Variants in TSNARE1 observed in about 807,000 individuals in gnomAD.
TSNARE1 encodes the protein t-SNARE domain containing 1, also known as t-SNARE domain-containing protein 1.
A neutral mutation model predicts 62.0 loss-of-function variants in TSNARE1; 49 were observed. The ratio of observed to expected loss-of-function variants is 0.79; its 90% CI spans 0.63 to 1.00. TSNARE1 has a LOEUF of 1.00. TSNARE1 is among the 50% of genes least tolerant of loss of function. The pLI is 0.00. For synonymous variants in TSNARE1, 328 were observed against 294.4 expected (o/e 1.11, Z -1.17); for missense variants, 755 against 700.1 (o/e 1.08, Z -0.88).
At chr8:142,229,291 T>C (rs946431226) in intron 13 of TSNARE1, among the ~76,000 whole-genome samples, 182 bp downstream of exon 13, 2 of 150,594 alleles carry the variant, frequency 1.3e-5, no homozygotes, top group African/African-American at 4.9e-5. Flanking sequence ...GGCAGATGGA[T>C]AGATGGATGG....
rs1337562068 is a variant in TSNARE1, at chr8:142,344,155, G to A, written c.556C>T (p.His186Tyr). 1.9e-6 allele frequency: 3 copies of A among 1,613,228 alleles called. No homozygotes were observed. The highest frequency in any genetic ancestry group is 1.7e-6 in the Non-Finnish European group (2 of 1,179,846). ...YCRRDVVDLK[H>Y]KWRDLRAVVR... ...ACGGCTCGTAGGTCCCGCCACTTGT[G>A]CTTCAGGTCCACAACGTCGCGGCGA... Residue 186 changes from histidine (H) to tyrosine (Y), a missense_variant, in exon 4 of 14, where the codon CAC becomes TAC. Coordinates refer to ENST00000524325, the MANE Select transcript of TSNARE1 (RefSeq NM_145003.5).
intron 12 of TSNARE1, among the ~76,000 whole-genome samples, chr8:142,272,425 T>C (rs113422790): frequency 0.086 from 3,746 of 43,546 alleles, 76 homozygotes; most frequent in South Asian, 0.19. Flanking sequence ...TCCATCCACC[T>C]ATCCACCCGC....
rs117301705 is a variant in TSNARE1, at chr8:142,267,124, C to T, written c.1446+7657G>A. 9.3e-3 allele frequency among the ~76,000 whole-genome samples: 1,415 copies of T among 152,290 alleles called. 8 individuals carry two copies. The highest frequency in any genetic ancestry group is 0.014 in the Non-Finnish European group (946 of 68,020). On this transcript the variant is annotated intron_variant, in intron 12 of 13. Transcript: ENST00000524325. ...TCTGATTAATTGCAACAGCTAAAAT[C>T]TTTTGGGGTCTAAACTTGATATTTT...
At chr8:142,386,585 C>CTT in intron 1 of TSNARE1, among the ~76,000 whole-genome samples, 1 of 151,988 alleles carries the variant, frequency 6.6e-6, no homozygotes, top group East Asian at 1.9e-4. Flanking sequence ...AAGGCAAAAT[C>CTT]TAACTTCACA....
At chr8:142,305,702 AG>A (rs1826556082) in intron 9 of TSNARE1, among the ~76,000 whole-genome samples, 1 of 152,152 alleles carries the variant, frequency 6.6e-6, no homozygotes, top group South Asian at 2.1e-4. Flanking sequence ...TTGGGTCTTG[AG>A]CTCCGAGGCT....
At chr8:142,389,065 C>T (rs914035546) in intron 1 of TSNARE1, among the ~76,000 whole-genome samples, 7 of 152,204 alleles carry the variant, frequency 4.6e-5, no homozygotes, top group South Asian at 4.2e-4. Flanking sequence ...AACAGCCTAA[C>T]GAAACAGGAT....
chr8:142,292,838 C>G (rs545463923), intron 10 of TSNARE1, among the ~76,000 whole-genome samples: 2 of 152,134 alleles, frequency 1.3e-5, no homozygotes, highest in South Asian at 2.1e-4. Context: ...CAGACCAACG[C>G]GGGCAGAACA....
chr8:142,358,985 T>C (rs1406206065), intron 1 of TSNARE1, among the ~76,000 whole-genome samples: 1 of 151,884 alleles, frequency 6.6e-6, no homozygotes, highest in African/African-American at 2.4e-5. Flanking sequence ...AGCTGGGCCC[T>C]GTCCTGCCCC....
chr8:142,227,982 C>A (rs1816919848), intron 13 of TSNARE1, among the ~76,000 whole-genome samples: 1 of 152,238 alleles, frequency 6.6e-6, no homozygotes, highest in Non-Finnish European at 1.5e-5. Flanking sequence ...GCAAGGGTGG[C>A]ATCCACCCTG....
At chr8:142,394,766 G>A (rs1204199912) in intron 1 of TSNARE1, among the ~76,000 whole-genome samples, 5 of 152,178 alleles carry the variant, frequency 3.3e-5, no homozygotes, top group African/African-American at 1.2e-4. Context: ...CTGTGGGATG[G>A]TCCGCAGGGT....
At chr8:142,297,153 T>G (rs1031734718) in intron 10 of TSNARE1, among the ~76,000 whole-genome samples, 6 of 152,218 alleles carry the variant, frequency 3.9e-5, no homozygotes, top group African/African-American at 1.4e-4. Context: ...CAGGACAGCA[T>G]GTCCCCAGCC....
chr8:142,403,728 G>C (rs1587186821), upstream of TSNARE1: 1 of 152,270 alleles, frequency 6.6e-6, no homozygotes, highest in East Asian at 1.9e-4. Context: ...TGAGTCTCAA[G>C]ACATCTGAGG....
intron 11 of TSNARE1, chr8:142,279,912 G>A (rs1701985822): frequency 2.9e-6 from 3 of 1,040,088 alleles, no homozygotes; most frequent in Non-Finnish European, 3.5e-6. Context: ...GGGCAGAAAA[G>A]GTCTCTGCCA....
chr8:142,282,503 G>A (rs1243262492), intron 11 of TSNARE1, among the ~76,000 whole-genome samples: 5 of 151,580 alleles, frequency 3.3e-5, no homozygotes, highest in African/African-American at 1.2e-4. Flanking sequence ...CGGGGTCAGT[G>A]TCTGCCAACG....
At chr8:142,284,547 T>A in intron 10 of TSNARE1, 62 bp from the exon 11 acceptor site, 1 of 1,294,734 alleles carries the variant, frequency 7.7e-7, no homozygotes, top group Non-Finnish European at 1.0e-6. Context: ...CAAGGGCACC[T>A]GAAAGTTTCC....
At chr8:142,355,567 G>A (rs1214836485) in intron 1 of TSNARE1, among the ~76,000 whole-genome samples, 1 of 152,186 alleles carries the variant, frequency 6.6e-6, no homozygotes, top group African/African-American at 2.4e-5. Flanking sequence ...ATGACCAGAG[G>A]ATAACGGGAG....
chr8:142,306,604 C>G (rs1826717268), intron 9 of TSNARE1, among the ~76,000 whole-genome samples: 1 of 152,242 alleles, frequency 6.6e-6, no homozygotes, highest in Non-Finnish European at 1.5e-5. Context: ...ACGGGGAAGG[C>G]AGCAAGTGCC....
At position 142,224,879 on chromosome 8, in the gene TSNARE1, C is replaced by A. The variant is rs369233978; in HGVS notation, c.*11+4594G>T. The stretch of plus-strand genomic sequence containing the variant: ...CAGGATGCTGATGAGGCTGAGCCCG[C>A]GGGGAGTGGGGCAGAGGGCGGGGCT... On this transcript the variant is annotated intron_variant, in intron 13 of 13. Transcript: ENST00000524325. Among the ~76,000 whole-genome samples the A allele has an allele frequency of 3.3e-5, 5 of 152,222 alleles. No individual in the cohort carries two copies. The South Asian group carries it at 8.3e-4, about 25-fold the overall frequency.
intron 11 of TSNARE1, chr8:142,278,208 C>T (rs1383084677): frequency 1.0e-6 from 1 of 985,304 alleles, no homozygotes; most frequent in Non-Finnish European, 1.2e-6. Context: ...AGCCCAGCCA[C>T]AGGGTTGGCT....
Sources: allele counts gnomAD v4.1 joint callset (sites outside exome capture counted in the v4.1 genomes callset), GRCh38; gene constraint gnomAD v4.1.1; transcripts MANE v1.5; gene names NCBI Gene and HGNC (gene_info 2026-07-23, HGNC 2026-07-21).